PCDHA8: variants seen among roughly 807,000 people sequenced by gnomAD.
PCDHA8 encodes protocadherin alpha 8.
PCDHA8 carries 53 observed loss-of-function variants against 61.8 expected under a neutral mutation model. The ratio of observed to expected loss-of-function variants is 0.86; its 90% CI spans 0.69 to 1.08. The LOEUF is 1.08. Ranked by LOEUF, PCDHA8 falls within the 50% of genes least tolerant of loss-of-function variation. The probability of loss-of-function intolerance (pLI) is 0.00; values close to 1 mark genes in which losing one functional copy is unlikely to be tolerated. For missense variants in PCDHA8, 1,293 were observed against 1,245.0 expected, an observed-to-expected ratio of 1.04 and a Z score of -0.58; for synonymous variants, 618 against 556.6, an observed-to-expected ratio of 1.11 and a Z score of -1.55.
intron 1 of PCDHA8, among the ~76,000 whole-genome samples, chr5:140,942,264 G>T (rs868983277): frequency 5.9e-5 from 9 of 152,122 alleles, no homozygotes; most frequent in Non-Finnish European, 1.2e-4. Flanking sequence ...GATATCTAAA[G>T]CTGGTAATGG....
intron 1 of PCDHA8, chr5:140,853,202 C>T (rs1357815878): frequency 1.3e-5 from 13 of 982,324 alleles, no homozygotes; most frequent in Middle Eastern, 5.3e-4. Flanking sequence ...TTATTATTGA[C>T]GGCTGTATTG....
At chr5:140,871,086 G>T (rs556097993) in intron 1 of PCDHA8, 15 of 1,613,256 alleles carry the variant, frequency 9.3e-6, no homozygotes, top group Non-Finnish European at 1.1e-5. Context: ...TGACGGCCAC[G>T]GCCACCGTGC....
intron 1 of PCDHA8, among the ~76,000 whole-genome samples, chr5:140,947,967 T>C (rs565128955): frequency 1.2e-4 from 18 of 151,462 alleles, no homozygotes; most frequent in Non-Finnish European, 2.2e-4. Flanking sequence ...ATTAAGTATG[T>C]GCTACTCATA....
At chr5:140,863,421 CGTA>C in intron 1 of PCDHA8, 3 of 689,676 alleles carry the variant, frequency 4.3e-6, no homozygotes, top group Non-Finnish European at 7.6e-6. Flanking sequence ...TGTACCGCAG[CGTA>C]GTGGGATCTG....
intron 1 of PCDHA8, chr5:140,883,037 A>C: frequency 6.2e-7 from 1 of 1,614,166 alleles, no homozygotes; most frequent in Non-Finnish European, 8.5e-7. Flanking sequence ...GAACGCCTTC[A>C]ATGGAACATT....
Position 140,870,112 on chromosome 5 carries a change from G to T in PCDHA8, c.2394+26397G>T, listed in dbSNP as rs781902121. ...AATGGCAGGTCACTGTACAGTCTGG[G>T]TGGAAATCTTGGACACCAACGATAA... On this transcript the variant is annotated intron_variant, in intron 1 of 3. Transcript: ENST00000531613. 2 of 1,613,938 alleles carry T rather than the reference G, an allele frequency of 1.2e-6. No homozygotes were observed. The highest frequency in any genetic ancestry group is 2.2e-5 in the South Asian group (2 of 91,080).
At chr5:140,966,805 T>G in intron 1 of PCDHA8, 1 of 1,545,566 alleles carries the variant, frequency 6.5e-7, no homozygotes, top group East Asian at 2.4e-5. Context: ...CGACAGAGCA[T>G]CCACGGCTCC....
intron 3 of PCDHA8, among the ~76,000 whole-genome samples, chr5:141,007,033 T>C (rs1357363669): frequency 6.6e-6 from 1 of 152,120 alleles, no homozygotes; most frequent in Non-Finnish European, 1.5e-5. Flanking sequence ...GGTATTTATA[T>C]CTATGGATAT....
rs138591837 is a variant in PCDHA8 at position 140,843,301 on chromosome 5, C to T, written c.1980C>T (p.Thr660=). The T allele has an allele frequency of 6.3e-6, 10 of 1,595,850 alleles. 1 individual carries two copies. The African/African-American group carries it at 6.7e-5, about 11-fold the overall frequency. Residue 660 remains threonine (T), a synonymous_variant, in exon 1 of 4, where the codon ACC becomes ACT. Transcript: ENST00000531613. ...LVKDHGEPAL[T]ATATVLVSLV... is the part of the protein sequence containing the mutation. The stretch of plus-strand genomic sequence containing the variant: ...AGGATCATGGTGAACCTGCGCTGAC[C>T]GCCACGGCCACGGTTCTGGTGTCGC...
chr5:140,967,340 C>G, intron 1 of PCDHA8: 1 of 1,607,862 alleles, frequency 6.2e-7, no homozygotes. Flanking sequence ...CCCCAGCGAG[C>G]ACTTCGAGCT....
At chr5:140,856,978 G>A in intron 1 of PCDHA8, 2 of 1,594,578 alleles carry the variant, frequency 1.3e-6, no homozygotes, top group Non-Finnish European at 1.7e-6. Context: ...TTGACTTTGA[G>A]GACAGTAACA....
In PCDHA8 at chr5:140,841,187, C is replaced by T; in HGVS notation, c.-135C>T. 1 of 1,214,566 alleles carries T rather than the reference C, an allele frequency of 8.2e-7. No individual in the cohort carries two copies. The highest frequency in any genetic ancestry group is 1.6e-5 in the South Asian group (1 of 63,578). 75.2% of individuals were successfully genotyped at this position (1,214,566 alleles called of 1,614,324 possible). ...GTTCTGGTTGGTCAATGTTCAAAGT[C>T]TTTTCTCTGACAGCATCTGTCTCTA... On this transcript the variant is annotated 5_prime_UTR_variant, in exon 1 of 4. Transcript: ENST00000531613.
intron 3 of PCDHA8, among the ~76,000 whole-genome samples, chr5:141,002,004 A>G (rs1386748835): frequency 2.0e-5 from 3 of 152,210 alleles, no homozygotes; most frequent in Non-Finnish European, 4.4e-5. Context: ...TTGCAAACAC[A>G]GAATCTGCAC....
In PCDHA8 at chr5:140,870,774, G is replaced by T. The variant is rs782539037; in HGVS notation, c.2394+27059G>T. The T allele has an allele frequency of 2.9e-5, 47 of 1,613,632 alleles. 1 individual carries two copies. The South Asian group carries it at 3.8e-4, about 13-fold the overall frequency. On this transcript the variant is annotated intron_variant, in intron 1 of 3. Coordinates refer to ENST00000531613, the MANE Select transcript of PCDHA8 (RefSeq NM_018911.3). ...CGCTGCAGGTGTTCGTGCTGGACGA[G>T]AACGACAACGCGCCGGCACTGCTGG...
rs1246162498 is a variant in PCDHA8, at chr5:140,856,839, A to G, written c.2394+13124A>G. ...AACCAAACATTAGTAATACGGCTCA[A>G]CGCTTCTGATTCGGATGAAGGAATA... is the stretch of plus-strand genomic sequence containing the variant. On this transcript the variant is annotated intron_variant, in intron 1 of 3. Coordinates refer to ENST00000531613, the MANE Select transcript of PCDHA8 (RefSeq NM_018911.3). 1.3e-6 allele frequency: 2 copies of G among 1,592,670 alleles called. No homozygotes were observed. The highest frequency in any genetic ancestry group is 1.3e-5 in the African/African-American group (1 of 74,342).
intron 1 of PCDHA8, chr5:140,882,524 G>C (rs1340644606): frequency 9.9e-6 from 16 of 1,614,090 alleles, no homozygotes; most frequent in African/African-American, 2.7e-5. Context: ...CATTTTGTTT[G>C]TGAATTCTCG....
At position 140,851,269 on chromosome 5, in the gene PCDHA8, T is replaced by C. The variant is rs1035284960; in HGVS notation, c.2394+7554T>C. ...GATGCATAGTATTTTAGTCTACTTG[T>C]ATTGTTTATAAGAAACCCAAGCAAA... is the stretch of plus-strand genomic sequence containing the variant. On this transcript the variant is annotated intron_variant, in intron 1 of 3. Transcript: ENST00000531613. 2.6e-5 allele frequency: 28 copies of C among 1,066,570 alleles called. No homozygotes were observed. In the South Asian group the frequency reaches 9.7e-4, roughly 37 times the overall value. The allele number at this position is 1,066,570 out of a possible 1,614,324, so 66.1% of individuals were successfully genotyped here. A position where few individuals can be genotyped will look rare whatever the true frequency, so the allele number is the denominator to read the frequency against.
At chr5:140,876,762 G>T in intron 1 of PCDHA8, 1 of 1,614,252 alleles carries the variant, frequency 6.2e-7, no homozygotes, top group South Asian at 1.1e-5. Flanking sequence ...CGCGGGATGG[G>T]GGCTCGCCTT....
chr5:140,947,763 AAT>A (rs1396909113), intron 1 of PCDHA8, among the ~76,000 whole-genome samples: 1 of 151,658 alleles, frequency 6.6e-6, no homozygotes, highest in Non-Finnish European at 1.5e-5. Flanking sequence ...TGGTTTAAAA[AAT>A]TCTATTGTAA....
Sources: allele counts gnomAD v4.1 joint callset (sites outside exome capture counted in the v4.1 genomes callset), GRCh38; gene constraint gnomAD v4.1.1; transcripts MANE v1.5; gene names NCBI Gene and HGNC (gene_info 2026-07-23, HGNC 2026-07-21).